The following TBC1D2 variants were observed in gnomAD, a reference collection of about 807,000 sequenced individuals.
TBC1D2 encodes the protein TBC1 domain family member 2.
TBC1D2 carries 58 observed loss-of-function variants against 91.1 expected under a neutral mutation model. That is an observed-to-expected ratio of 0.64 (90% confidence interval 0.52 to 0.79). The LOEUF (loss-of-function observed/expected upper bound fraction) is 0.79. Ranked by LOEUF, TBC1D2 falls within the 30% of genes least tolerant of loss-of-function variation. The pLI, the probability that TBC1D2 is intolerant of heterozygous loss-of-function variation, is 0.00. For missense variants in TBC1D2, 1,080 were observed against 1,208.3 expected (o/e 0.89, Z 1.57); for synonymous variants, 482 against 511.5 (o/e 0.94, Z 0.78).
At chr9:98,209,774 TCC>T (rs1828775799) in intron 8 of TBC1D2, among the ~76,000 whole-genome samples, 1 of 146,010 alleles carries the variant, frequency 6.8e-6, no homozygotes, top group African/African-American at 2.6e-5. Flanking sequence ...CTTCCTTCCT[TCC>T]TTCCTTCCTT....
At chr9:98,227,988 T>C (rs1366352148) in intron 5 of TBC1D2, among the ~76,000 whole-genome samples, 2 of 152,076 alleles carry the variant, frequency 1.3e-5, no homozygotes, top group Non-Finnish European at 2.9e-5. Context: ...TTATAAGAAA[T>C]ATTCAGAAGG....
chr9:98,240,812 G>C (rs749225632), intron 3 of TBC1D2, among the ~76,000 whole-genome samples: 1 of 152,166 alleles, frequency 6.6e-6, no homozygotes, highest in Non-Finnish European at 1.5e-5. Context: ...GGTCCGGCTG[G>C]TCACCACCCA....
intron 6 of TBC1D2, among the ~76,000 whole-genome samples, chr9:98,215,629 T>A (rs1828952241): frequency 6.6e-6 from 1 of 152,164 alleles, no homozygotes; most frequent in Non-Finnish European, 1.5e-5. Context: ...CACCTCAGCC[T>A]GTCAAGTAGC....
intron 9 of TBC1D2, among the ~76,000 whole-genome samples, chr9:98,205,576 T>C (rs113436152): frequency 0.083 from 12,694 of 152,060 alleles, 745 homozygotes; most frequent in Non-Finnish European, 0.13. Flanking sequence ...AGACAGAGAC[T>C]CACTCTGTTG....
chr9:98,235,521 G>A (rs1829482298), intron 3 of TBC1D2: 3 of 454,898 alleles, frequency 6.6e-6, no homozygotes, highest in Non-Finnish European at 1.3e-5. Flanking sequence ...GATAATGTAG[G>A]TATCACACTT....
intron 3 of TBC1D2, among the ~76,000 whole-genome samples, chr9:98,240,417 C>A (rs1829611336): frequency 6.6e-6 from 1 of 152,148 alleles, no homozygotes; most frequent in African/African-American, 2.4e-5. Flanking sequence ...CCAGTCTTGC[C>A]TTCCCCATCT....
Position 98,251,803 on chromosome 9 carries a change from C to G in TBC1D2, c.493G>C (p.Val165Leu). 6.3e-7 allele frequency: 1 copy of G among 1,599,914 alleles called. No individual in the cohort carries two copies. Among genetic ancestry groups the G allele is most frequent in the Non-Finnish European group, 8.5e-7 (1 of 1,174,146 alleles). The change falls in exon 2 of 13, where the codon GTC becomes CTC. Residue 165 changes from valine to leucine, a missense_variant. Physicochemically the swap from Val to Leu is conservative, Grantham distance 32 (BLOSUM62 1). Coordinates refer to ENST00000465784, the MANE Select transcript of TBC1D2 (RefSeq NM_001267571.2). Reference sequence around the variant, plus strand: ...TGGGTACCTAGCTCGAGGTGCAGGACGGGCCCATTCCCAGCCAGGGCGGCA... The same window carrying G: ...TGGGTACCTAGCTCGAGGTGCAGGAGGGGCCCATTCCCAGCCAGGGCGGCA... ...PDAALAGNGP[V>L]LHLELGQEEA...
In TBC1D2 at chr9:98,208,873, G is replaced by C; in HGVS notation, c.1945C>G (p.Pro649Ala). The change falls in exon 9 of 13, where the codon CCA (proline) becomes GCA (alanine). Residue 649 changes from proline to alanine, a missense_variant. Pro to Ala is a conservative substitution (Grantham distance 27). Transcript: ENST00000465784. ...VHLRVQHLHT[P>A]GCYQELLSRG... is the part of the protein sequence containing the mutation. ...CTCAGCAGTTCCTGGTAGCAGCCTG[G>C]AGTGTGCAGGTGCTGGACACGGAGG... 1 of 1,614,106 alleles carries C rather than the reference G, an allele frequency of 6.2e-7. No individual in the cohort carries two copies. The highest frequency in any genetic ancestry group is 8.5e-7 in the Non-Finnish European group (1 of 1,179,978).
rs73486570 is a variant in TBC1D2, at chr9:98,203,141, T to G, written c.2271+147A>C. 8,194 of 1,269,710 alleles carry G rather than the reference T, an allele frequency of 6.5e-3. 427 individuals carry two copies. The African/African-American group carries it at 0.11, about 17-fold the overall frequency. 78.7% of individuals were successfully genotyped at this position (1,269,710 alleles called of 1,614,324 possible). On this transcript the variant is annotated intron_variant, in intron 10 of 12. Coordinates refer to ENST00000465784, the MANE Select transcript of TBC1D2 (RefSeq NM_001267571.2). ...AGCTGTTGTTAGGTTGGGCTTCTCT[T>G]CCATGCAGCCAAATGCACTCCCACA...
intron 8 of TBC1D2, among the ~76,000 whole-genome samples, chr9:98,210,421 A>C (rs1564237245): frequency 6.6e-6 from 1 of 152,300 alleles, no homozygotes; most frequent in East Asian, 1.9e-4. Context: ...GATAAATGGA[A>C]AGCATGGGGC....
At chr9:98,200,705 G>T (rs1344541123) in intron 11 of TBC1D2, among the ~76,000 whole-genome samples, 1 of 152,156 alleles carries the variant, frequency 6.6e-6, no homozygotes, top group African/African-American at 2.4e-5. Context: ...CTTTACGTGG[G>T]GCTTTGGCAA....
intron 3 of TBC1D2, among the ~76,000 whole-genome samples, chr9:98,233,808 A>G (rs1241254431): frequency 6.6e-6 from 1 of 151,600 alleles, no homozygotes; most frequent in Non-Finnish European, 1.5e-5. Context: ...CTTAACCCCC[A>G]CCCCTGCAGC....
chr9:98,221,165 C>A lies in TBC1D2; in HGVS notation c.1042G>T (p.Ala348Ser), dbSNP rs777638174. Residue 348 changes from alanine to serine, a missense_variant, in exon 6 of 13, where the codon GCA becomes TCA. Transcript: ENST00000465784. ...TTGTCCTCAGCCGCCGCCAGGTATG[C>A]GCTGGACGCCCGCTTCTCCTGCTGG... ...AAQQEKRASS[A>S]YLAAAEDKDR... 2.1e-5 allele frequency: 33 copies of A among 1,566,074 alleles called. No homozygotes were observed. The highest frequency in any genetic ancestry group is 2.4e-5 in the Non-Finnish European group (28 of 1,155,574).
intron 11 of TBC1D2, 119 bp downstream of exon 11, chr9:98,201,360 C>T (rs1828495588): frequency 1.4e-5 from 13 of 906,580 alleles, no homozygotes; most frequent in Admixed American, 5.2e-5. Context: ...TCTCAGGAGA[C>T]GTTCAACAGC....
In TBC1D2 at chr9:98,220,730, C is replaced by A; in HGVS notation, c.1374+103G>T. On this transcript the variant is annotated intron_variant, in intron 6 of 12. Transcript: ENST00000465784. ...TGAATATTCTAGGATGAAGGGGTAT[C>A]CCCACTCCACCTAGCAAACCCTTAG... 2.8e-6 allele frequency: 4 copies of A among 1,421,372 alleles called. No homozygotes were observed. The South Asian group carries it at 5.4e-5, about 19-fold the overall frequency. The allele number at this position is 1,421,372 out of a possible 1,614,324, so 88.0% of individuals were successfully genotyped here.
chr9:98,223,769 A>G (rs916942382), intron 5 of TBC1D2, among the ~76,000 whole-genome samples: 1 of 152,248 alleles, frequency 6.6e-6, no homozygotes, highest in African/African-American at 2.4e-5. Flanking sequence ...TTGTACCAGA[A>G]TAAAATAGGC....
At chr9:98,222,756 C>A (rs1317112491) in intron 5 of TBC1D2, among the ~76,000 whole-genome samples, 2 of 152,238 alleles carry the variant, frequency 1.3e-5, no homozygotes, top group African/African-American at 4.8e-5. Flanking sequence ...TTCCTAGAGA[C>A]ATGTCAACTA....
In TBC1D2 at chr9:98,209,114, C is replaced by T. The variant is rs1828743766; in HGVS notation, c.1704G>A (p.Val568=). The T allele has an allele frequency of 2.5e-6, 4 of 1,613,958 alleles. No individual in the cohort carries two copies. Among genetic ancestry groups the T allele is most frequent in the East Asian group, 2.2e-5 (1 of 44,866 alleles). ...SKYDEYGFLT[V]PDYEVEDLKL... is the part of the protein sequence containing the mutation. ...TCAGGTCTTCCACCTCATAGTCGGGCACCGTCAGGAAGCCGTACTCATCAT... is the reference window on the plus strand; with the variant it reads ...TCAGGTCTTCCACCTCATAGTCGGGTACCGTCAGGAAGCCGTACTCATCAT... The change falls in exon 9 of 13, where the codon GTG becomes GTA. Residue 568 remains valine, a synonymous_variant. Coordinates refer to ENST00000465784, the MANE Select transcript of TBC1D2 (RefSeq NM_001267571.2).
chr9:98,244,449 G>C (rs1027380397), intron 2 of TBC1D2, among the ~76,000 whole-genome samples: 1 of 151,964 alleles, frequency 6.6e-6, no homozygotes, highest in Non-Finnish European at 1.5e-5. Flanking sequence ...ACCTGAGGTG[G>C]GGAGTTAAGA....
Sources: allele counts gnomAD v4.1 joint callset (sites outside exome capture counted in the v4.1 genomes callset), GRCh38; gene constraint gnomAD v4.1.1; transcripts MANE v1.5; gene names NCBI Gene and HGNC (gene_info 2026-07-23, HGNC 2026-07-21).